JARID2: variants seen among roughly 807,000 people sequenced by gnomAD.
JARID2 encodes protein Jumonji.
In JARID2, 21 loss-of-function variants were observed where a neutral mutation model predicts 125.6. The ratio of observed to expected loss-of-function variants is 0.17; its 90% CI spans 0.12 to 0.24. The LOEUF is 0.24. Ranked by LOEUF, JARID2 falls within the 10% of genes least tolerant of loss-of-function variation. The pLI is 1.00. For synonymous variants in JARID2, 736 were observed against 661.6 expected (o/e 1.11, Z -1.73); for missense variants, 1,303 against 1,639.6 (o/e 0.79, Z 3.55).
rs2127779249 is a variant in JARID2, at chr6:15,520,584, A to G, written c.*333A>G. 3.4e-6 allele frequency: 1 copy of G among 290,630 alleles called. No individual in the cohort carries two copies. Among genetic ancestry groups the G allele is most frequent in the Non-Finnish European group, 6.8e-6 (1 of 147,836 alleles). 18.0% of individuals were successfully genotyped at this position (290,630 alleles called of 1,614,324 possible). ...TTTTTTTTTGTAACTGTTGGGGGGA[A>G]AAAGGCTTTTTAACCCATTTTTGAA... On this transcript the variant is annotated 3_prime_UTR_variant, in exon 18 of 18. Transcript: ENST00000341776.
At chr6:15,482,430 TATTC>T in intron 5 of JARID2, among the ~76,000 whole-genome samples, 1 of 152,352 alleles carries the variant, frequency 6.6e-6, no homozygotes, top group Non-Finnish European at 1.5e-5. Flanking sequence ...TTAAGATATT[TATTC>T]ATTTAAAAAA....
At chr6:15,495,117 G>T (rs1770349797) in intron 6 of JARID2, among the ~76,000 whole-genome samples, 1 of 152,176 alleles carries the variant, frequency 6.6e-6, no homozygotes, top group Non-Finnish European at 1.5e-5. Flanking sequence ...ACATTGTGAC[G>T]CAGAGAAGAC....
intron 1 of JARID2, among the ~76,000 whole-genome samples, chr6:15,339,893 G>A (rs1763012068): frequency 6.6e-6 from 1 of 152,064 alleles, no homozygotes; most frequent in South Asian, 2.1e-4. Context: ...TCTTTCACCA[G>A]GGAGAAAAAA....
chr6:15,251,219 T>TTGGC (rs1366406331), intron 1 of JARID2, among the ~76,000 whole-genome samples: 1 of 152,200 alleles, frequency 6.6e-6, no homozygotes, highest in Admixed American at 6.5e-5. Context: ...TTTCACCATA[T>TTGGC]TGGCCTAGCT....
chr6:15,418,448 T>G (rs1018956360), intron 3 of JARID2, among the ~76,000 whole-genome samples: 8 of 152,280 alleles, frequency 5.3e-5, no homozygotes, highest in Admixed American at 3.3e-4. Context: ...TCTCCTAACC[T>G]CGTGATCGCC....
rs71687714 is a variant in JARID2 at position 15,321,783 on chromosome 6, G to GTTT, written c.46-52309_46-52307dup. ...TAATTTTATAATTGGAAGAATTCTT[G>GTTT]TTTTTTTTTTTTTTTTTTTTTTTTT... is the stretch of plus-strand genomic sequence containing the variant. On this transcript the variant is annotated intron_variant, in intron 1 of 17. Coordinates refer to ENST00000341776, the MANE Select transcript of JARID2 (RefSeq NM_004973.4). 7.4e-4 allele frequency among the ~76,000 whole-genome samples: 51 copies of GTTT among 68,500 alleles called. 6 individuals carry two copies. The highest frequency in any genetic ancestry group is 2.9e-3 in the African/African-American group (50 of 17,408). The allele number at this position is 68,500 out of a possible 152,430, so 44.9% of individuals were successfully genotyped here.
chr6:15,433,854 C>T (rs1767077971), intron 3 of JARID2, among the ~76,000 whole-genome samples: 1 of 151,092 alleles, frequency 6.6e-6, no homozygotes, highest in South Asian at 2.1e-4. Flanking sequence ...ATGCAATATC[C>T]ATCATACCCC....
intron 3 of JARID2, among the ~76,000 whole-genome samples, chr6:15,421,130 G>A (rs533693131): frequency 6.6e-6 from 1 of 151,974 alleles, no homozygotes; most frequent in Non-Finnish European, 1.5e-5. Flanking sequence ...TGCCCTTTCC[G>A]TAACTGCTGC....
chr6:15,291,799 A>G (rs1761226248), intron 1 of JARID2, among the ~76,000 whole-genome samples: 1 of 152,168 alleles, frequency 6.6e-6, no homozygotes, highest in Admixed American at 6.5e-5. Context: ...ATTTTGCTGT[A>G]ATTTTTTTAT....
intron 4 of JARID2, among the ~76,000 whole-genome samples, chr6:15,460,149 G>T (rs1768375353): frequency 6.6e-6 from 1 of 152,174 alleles, no homozygotes; most frequent in Admixed American, 6.5e-5. Context: ...CATTTGTTGG[G>T]ATAGTTTATC....
chr6:15,467,639 T>G (rs1173194313), intron 4 of JARID2, among the ~76,000 whole-genome samples: 3 of 152,006 alleles, frequency 2.0e-5, no homozygotes, highest in South Asian at 4.2e-4. Context: ...TCCAGAAATT[T>G]CAGACCAACC....
chr6:15,351,199 A>G (rs1763417648), intron 1 of JARID2, among the ~76,000 whole-genome samples: 1 of 152,198 alleles, frequency 6.6e-6, no homozygotes, highest in South Asian at 2.1e-4. Context: ...ATAGATTAGT[A>G]GGTGAGCCAA....
At chr6:15,333,126 G>T (rs1464401535) in intron 1 of JARID2, among the ~76,000 whole-genome samples, 1 of 151,560 alleles carries the variant, frequency 6.6e-6, no homozygotes, top group Non-Finnish European at 1.5e-5. Flanking sequence ...TAGAGACGGG[G>T]TTTCACTGTG....
chr6:15,255,446 G>C (rs1453437543), intron 1 of JARID2, among the ~76,000 whole-genome samples: 1 of 152,114 alleles, frequency 6.6e-6, no homozygotes, highest in African/African-American at 2.4e-5. Context: ...GGGGAGGTGA[G>C]GAGGAGGAGT....
chr6:15,440,932 TCA>T (rs1362029528), intron 3 of JARID2, among the ~76,000 whole-genome samples: 1 of 152,190 alleles, frequency 6.6e-6, no homozygotes, highest in Admixed American at 6.5e-5. Flanking sequence ...AGAGCAGACT[TCA>T]CTCCGCATTT....
rs1302207428 is a variant in JARID2, at chr6:15,496,290, A to C, written c.1065A>C (p.Glu355Asp). ...TCACATACACCAAAGCCAAGAGAGAACTGGTCAAGGACACCAAACCCAATC... is the reference window on the plus strand; with the variant it reads ...TCACATACACCAAAGCCAAGAGAGACCTGGTCAAGGACACCAAACCCAATC... Reference protein sequence around the residue: ...GAVTYTKAKRELVKDTKPNHH... With the variant: ...GAVTYTKAKRDLVKDTKPNHH... The change falls in exon 7 of 18, where the codon GAA (glutamate) becomes GAC (aspartate). Residue 355 changes from glutamate (E) to aspartate (D), a missense_variant. Coordinates refer to ENST00000341776, the MANE Select transcript of JARID2 (RefSeq NM_004973.4). 2.5e-6 allele frequency: 4 copies of C among 1,614,170 alleles called. No homozygotes were observed. The highest frequency in any genetic ancestry group is 1.1e-5 in the South Asian group (1 of 91,078).
At chr6:15,513,544 G>A in intron 16 of JARID2, 122 bp downstream of exon 16, 2 of 1,008,216 alleles carry the variant, frequency 2.0e-6, no homozygotes, top group Non-Finnish European at 2.8e-6. Flanking sequence ...CCCATCTCTG[G>A]AGCCGGCTGT....
At chr6:15,331,880 A>C (rs1031000022) in intron 1 of JARID2, among the ~76,000 whole-genome samples, 4 of 152,242 alleles carry the variant, frequency 2.6e-5, no homozygotes, top group African/African-American at 7.2e-5. Flanking sequence ...TCTTAAAATA[A>C]ACAGGTGTCT....
chr6:15,400,805 G>T (rs961074798), intron 2 of JARID2: 19 of 1,240,662 alleles, frequency 1.5e-5, no homozygotes, highest in Non-Finnish European at 1.9e-5. Context: ...TCCTATTGCC[G>T]CGCGGAATCT....
Sources: gnomAD v4.1 joint callset for allele counts (sites outside exome capture counted in the v4.1 genomes callset) on GRCh38, gnomAD v4.1.1 for gene constraint, MANE v1.5 for transcripts, NCBI Gene and HGNC (gene_info 2026-07-23, HGNC 2026-07-21) for gene names.